Variants in CPNE8 observed in about 807,000 individuals in gnomAD.
CPNE8 encodes copine 8.
A neutral mutation model predicts 81.5 loss-of-function variants in CPNE8; 45 were observed. The observed-to-expected ratio is 0.55, with a 90% CI of 0.44 to 0.71. The LOEUF is 0.71. Ranked by LOEUF, CPNE8 falls within the 30% of genes least tolerant of loss-of-function variation. The pLI, the probability that CPNE8 is intolerant of heterozygous loss-of-function variation, is 0.00. For missense variants in CPNE8, 594 were observed against 672.1 expected, an observed-to-expected ratio of 0.88 and a Z score of 1.28; for synonymous variants, 252 against 226.3, an observed-to-expected ratio of 1.11 and a Z score of -1.02.
At chr12:38,870,127 T>C (rs1485442068) in intron 3 of CPNE8, among the ~76,000 whole-genome samples, 1 of 152,206 alleles carries the variant, frequency 6.6e-6, no homozygotes, top group African/African-American at 2.4e-5. Context: ...CATTAAAAAG[T>C]CAGGAAACAA....
At chr12:38,884,160 C>A (rs774112876) in intron 1 of CPNE8, among the ~76,000 whole-genome samples, 1 of 152,144 alleles carries the variant, frequency 6.6e-6, no homozygotes, top group Non-Finnish European at 1.5e-5. Flanking sequence ...TCTCCTCCCA[C>A]CAAAAACACC....
intron 6 of CPNE8, among the ~76,000 whole-genome samples, chr12:38,792,163 T>C (rs1265033531): frequency 6.6e-6 from 1 of 151,432 alleles, no homozygotes; most frequent in African/African-American, 2.4e-5. Context: ...CCTAACTTTA[T>C]ACCTCAAAGA....
intron 10 of CPNE8, among the ~76,000 whole-genome samples, chr12:38,733,233 CT>C (rs1474518182): frequency 6.6e-6 from 1 of 151,848 alleles, no homozygotes; most frequent in Non-Finnish European, 1.5e-5. Flanking sequence ...TATTTTTATA[CT>C]TTCTAACCTT....
In CPNE8 at chr12:38,739,104, G is replaced by A. The variant is rs189333774; in HGVS notation, c.723-8746C>T. Among the ~76,000 whole-genome samples, 3 of 152,144 alleles carry A rather than the reference G, an allele frequency of 2.0e-5. No individual in the cohort carries two copies. In the East Asian group the frequency reaches 5.8e-4, roughly 29 times the overall value. On this transcript the variant is annotated intron_variant, in intron 10 of 19. Coordinates refer to ENST00000331366, the MANE Select transcript of CPNE8 (RefSeq NM_153634.3). ...TTGGATTACAGGTGTGAGCTGCCAC[G>A]CCCAGCCTAAAATTACTTTCTTAAA...
intron 13 of CPNE8, among the ~76,000 whole-genome samples, chr12:38,706,757 C>A (rs1260663601): frequency 6.6e-6 from 1 of 152,162 alleles, no homozygotes; most frequent in Non-Finnish European, 1.5e-5. Context: ...ACAGTGTCTG[C>A]ACAATGCTTT....
At chr12:38,899,124 C>T (rs144796560) in intron 1 of CPNE8, among the ~76,000 whole-genome samples, 72 of 152,298 alleles carry the variant, frequency 4.7e-4, no homozygotes, top group African/African-American at 1.6e-3. Context: ...GAACTTGACA[C>T]TACCACTTCT....
At chr12:38,809,213 C>T (rs1942884638) in intron 6 of CPNE8, among the ~76,000 whole-genome samples, 1 of 152,174 alleles carries the variant, frequency 6.6e-6, no homozygotes, top group African/African-American at 2.4e-5. Flanking sequence ...TGCTTAGGAT[C>T]TCACAATGCT....
chr12:38,698,941 G>A (rs1939864108), intron 14 of CPNE8, among the ~76,000 whole-genome samples: 1 of 152,130 alleles, frequency 6.6e-6, no homozygotes, highest in South Asian at 2.1e-4. Flanking sequence ...TTCAGACTTT[G>A]ATAAGGATTG....
intron 6 of CPNE8, among the ~76,000 whole-genome samples, chr12:38,817,364 T>C (rs1480883138): frequency 1.3e-5 from 2 of 152,178 alleles, no homozygotes; most frequent in Non-Finnish European, 2.9e-5. Context: ...CTTGGCTCTG[T>C]TCTGGAAAAT....
chr12:38,838,034 C>T (rs939677231), intron 5 of CPNE8, among the ~76,000 whole-genome samples: 2 of 152,066 alleles, frequency 1.3e-5, no homozygotes, highest in Non-Finnish European at 2.9e-5. Context: ...AAGGTACCTT[C>T]CTATCCCATA....
chr12:38,803,379 G>A (rs1211120366), intron 6 of CPNE8, among the ~76,000 whole-genome samples: 1 of 145,842 alleles, frequency 6.9e-6, no homozygotes, highest in East Asian at 2.0e-4. Flanking sequence ...ATGTAATCCA[G>A]CATATAAACA....
chr12:38,852,387 C>A (rs1175709289), intron 3 of CPNE8, among the ~76,000 whole-genome samples: 3 of 146,906 alleles, frequency 2.0e-5, no homozygotes, highest in African/African-American at 7.6e-5. Context: ...CAAGATCGCG[C>A]CACTGCACTC....
At chr12:38,817,271 A>G (rs562342551) in intron 6 of CPNE8, among the ~76,000 whole-genome samples, 2 of 152,342 alleles carry the variant, frequency 1.3e-5, no homozygotes, top group East Asian at 1.9e-4. Flanking sequence ...AAATAAGGGG[A>G]AAAAAACAGA....
chr12:38,782,252 GA>G (rs1942069243), intron 6 of CPNE8, among the ~76,000 whole-genome samples: 1 of 151,936 alleles, frequency 6.6e-6, no homozygotes, highest in Admixed American at 6.6e-5. Flanking sequence ...GTCAATAAAA[GA>G]CAAAGGCTAA....
intron 1 of CPNE8, among the ~76,000 whole-genome samples, chr12:38,892,099 A>G (rs765045739): frequency 6.6e-6 from 1 of 152,200 alleles, no homozygotes; most frequent in African/African-American, 2.4e-5. Context: ...AATCTTGACA[A>G]CCAGGCAAGG....
chr12:38,893,329 C>T (rs1944340129), intron 1 of CPNE8, among the ~76,000 whole-genome samples: 1 of 152,152 alleles, frequency 6.6e-6, no homozygotes, highest in Non-Finnish European at 1.5e-5. Context: ...GCTGATAAAA[C>T]ACACTGCTAT....
At chr12:38,899,114 G>A (rs933812962) in intron 1 of CPNE8, among the ~76,000 whole-genome samples, 1 of 152,100 alleles carries the variant, frequency 6.6e-6, no homozygotes, top group African/African-American at 2.4e-5. Context: ...AGATAGTGCT[G>A]AACTTGACAC....
At chr12:38,724,767 G>A (rs908087369) in intron 12 of CPNE8, 79 bp downstream of exon 12, 16 of 966,510 alleles carry the variant, frequency 1.7e-5, no homozygotes, top group Middle Eastern at 6.8e-4. Context: ...ATTGCTTCCA[G>A]TAGGATTAAA....
At chr12:38,806,445 A>C (rs1942805691) in intron 6 of CPNE8, among the ~76,000 whole-genome samples, 1 of 149,922 alleles carries the variant, frequency 6.7e-6, no homozygotes, top group South Asian at 2.2e-4. Context: ...AGGCTGGTTC[A>C]ATATATGCAA....
Sources: allele counts gnomAD v4.1 joint callset (sites outside exome capture counted in the v4.1 genomes callset), GRCh38; gene constraint gnomAD v4.1.1; transcripts MANE v1.5; gene names NCBI Gene and HGNC (gene_info 2026-07-23, HGNC 2026-07-21).